The following SPMIP7 variants were observed in gnomAD, a reference collection of about 807,000 sequenced individuals.
SPMIP7 encodes protein SPMIP7.
chr7:50,138,247 CTAAA>C, the SPMIP7 span, among the ~76,000 whole-genome samples: 7 of 152,238 alleles, frequency 4.6e-5, no homozygotes, highest in Admixed American at 4.6e-4. Flanking sequence ...CAGGATCTTA[CTAAA>C]TAGTTTAATG....
chr7:50,099,124 T>C, the SPMIP7 span, among the ~76,000 whole-genome samples: 1 of 152,216 alleles, frequency 6.6e-6, no homozygotes, highest in Admixed American at 6.5e-5. Context: ...CTTATTTCAC[T>C]TACCGTAATG....
chr7:50,153,999 G>A, the SPMIP7 span, among the ~76,000 whole-genome samples: 2 of 152,138 alleles, frequency 1.3e-5, no homozygotes, highest in Admixed American at 1.3e-4. Context: ...GCCATTTGAT[G>A]AGAAACATTT....
chr7:50,125,115 T>TATATATATATATATATACAC, the SPMIP7 span, among the ~76,000 whole-genome samples: 82 of 25,388 alleles, frequency 3.2e-3, 8 homozygotes, highest in East Asian at 0.081. Context: ...TATATATATA[T>TATATATATATATATATACAC]ACACACACAC....
the SPMIP7 span, chr7:50,140,230 G>C: frequency 8.4e-7 from 1 of 1,183,674 alleles, no homozygotes; most frequent in South Asian, 1.6e-5. Flanking sequence ...TTTATATTTT[G>C]GTTGTAGTTG....
the SPMIP7 span, chr7:50,129,607 A>G: frequency 1.3e-6 from 1 of 771,558 alleles, no homozygotes; most frequent in Non-Finnish European, 2.2e-6. Context: ...AGGTGCGTGA[A>G]AGAAGAAATA....
the SPMIP7 span, among the ~76,000 whole-genome samples, chr7:50,154,211 G>T: frequency 6.6e-6 from 1 of 151,982 alleles, no homozygotes; most frequent in South Asian, 2.1e-4. Context: ...ATCCGTCATC[G>T]CCATAGTTAC....
chr7:50,102,352 T>C, the SPMIP7 span, among the ~76,000 whole-genome samples: 1 of 152,154 alleles, frequency 6.6e-6, no homozygotes, highest in Admixed American at 6.5e-5. Context: ...AAAATCAAGG[T>C]GTTATCTTGA....
the SPMIP7 span, chr7:50,141,344 A>G: frequency 6.4e-7 from 1 of 1,551,980 alleles, no homozygotes; most frequent in South Asian, 1.2e-5. Flanking sequence ...TCGCATCGCT[A>G]GCCAAGCAGC....
chr7:50,152,033 A>G, the SPMIP7 span, among the ~76,000 whole-genome samples: 1 of 152,220 alleles, frequency 6.6e-6, no homozygotes, highest in African/African-American at 2.4e-5. Flanking sequence ...ATATTTTTAA[A>G]CCCACATTTT....
chr7:50,151,601 A>G, the SPMIP7 span: 8 of 1,322,478 alleles, frequency 6.0e-6, no homozygotes, highest in Non-Finnish European at 8.5e-6. Context: ...ATACATTAGG[A>G]GGGGAAATCC....
chr7:50,113,073 T>A, the SPMIP7 span, among the ~76,000 whole-genome samples: 2 of 151,938 alleles, frequency 1.3e-5, no homozygotes, highest in Non-Finnish European at 2.9e-5. Flanking sequence ...AATAAAAAAC[T>A]TTATAGTACA....
the SPMIP7 span, among the ~76,000 whole-genome samples, chr7:50,126,023 GT>G: frequency 2.0e-5 from 3 of 152,078 alleles, no homozygotes; most frequent in Non-Finnish European, 4.4e-5. Context: ...GATGACAGAT[GT>G]GTTAATTCAC....
chr7:50,123,953 A>G, the SPMIP7 span, among the ~76,000 whole-genome samples: 3 of 152,182 alleles, frequency 2.0e-5, no homozygotes, highest in African/African-American at 2.4e-5. Context: ...TTGTCAGAAT[A>G]GATAATAAAG....
chr7:50,110,742 T>C, the SPMIP7 span, among the ~76,000 whole-genome samples: 2 of 128,302 alleles, frequency 1.6e-5, no homozygotes, highest in African/African-American at 3.1e-5. Context: ...ATATTATATA[T>C]AAATATGTTA....
the SPMIP7 span, among the ~76,000 whole-genome samples, chr7:50,157,960 T>C: frequency 6.6e-6 from 1 of 152,202 alleles, no homozygotes; most frequent in Non-Finnish European, 1.5e-5. Flanking sequence ...TCCTACTGGG[T>C]ATACAAGCAA....
chr7:50,133,235 TTGTGTGTGTGTGTGTG>T, the SPMIP7 span, among the ~76,000 whole-genome samples: 1 of 150,406 alleles, frequency 6.6e-6, no homozygotes, highest in South Asian at 2.1e-4. Context: ...GTGTGTGTGT[TTGTGTGTGTGTGTGTG>T]TGTGTTTAAA....
At chr7:50,136,128 A>G in the SPMIP7 span, 2 of 1,551,530 alleles carry the variant, frequency 1.3e-6, no homozygotes, top group Non-Finnish European at 1.7e-6. Context: ...CAGATTTCAA[A>G]CAAGATCTTT....
At chr7:50,133,933 C>G in the SPMIP7 span, among the ~76,000 whole-genome samples, 4 of 152,092 alleles carry the variant, frequency 2.6e-5, no homozygotes, top group African/African-American at 9.7e-5. Context: ...ACTACCTCAT[C>G]ATAATCACTT....
the SPMIP7 span, among the ~76,000 whole-genome samples, chr7:50,113,838 T>C: frequency 1.3e-5 from 2 of 152,114 alleles, no homozygotes; most frequent in African/African-American, 4.8e-5. Flanking sequence ...TTTCAATCTG[T>C]ATAAATTTTT....
Sources: allele counts gnomAD v4.1 joint callset (sites outside exome capture counted in the v4.1 genomes callset), GRCh38; gene constraint gnomAD v4.1.1; transcripts MANE v1.5; gene names NCBI Gene and HGNC (gene_info 2026-07-23, HGNC 2026-07-21).